Variants in TAF4 observed in about 807,000 individuals in gnomAD.
The protein encoded by TAF4 is transcription initiation factor TFIID subunit 4.
A neutral mutation model predicts 90.3 loss-of-function variants in TAF4; 9 were observed. The ratio of observed to expected loss-of-function variants is 0.10; its 90% CI spans 0.06 to 0.17. The LOEUF (loss-of-function observed/expected upper bound fraction) is 0.17. Ranked by LOEUF, TAF4 falls within the 10% of genes least tolerant of loss-of-function variation. TAF4 has a pLI of 1.00. For missense variants in TAF4, 1,351 were observed against 1,370.7 expected, an observed-to-expected ratio of 0.99 and a Z score of 0.23; for synonymous variants, 818 against 638.9, an observed-to-expected ratio of 1.28 and a Z score of -4.23.
At chr20:62,008,453 T>C (rs1420458193) in intron 5 of TAF4, among the ~76,000 whole-genome samples, 1 of 140,510 alleles carries the variant, frequency 7.1e-6, no homozygotes, top group Non-Finnish European at 1.5e-5. Context: ...CTTGGGACTG[T>C]GGGTTAAGGA....
At chr20:62,060,132 G>A (rs1011311414) in intron 1 of TAF4, among the ~76,000 whole-genome samples, 3 of 152,172 alleles carry the variant, frequency 2.0e-5, no homozygotes, top group South Asian at 4.1e-4. Flanking sequence ...ACAGCACACC[G>A]GGGAGCCCGG....
chr20:62,042,204 GAGA>G (rs1457693770), intron 1 of TAF4, among the ~76,000 whole-genome samples: 2 of 152,216 alleles, frequency 1.3e-5, no homozygotes, highest in Non-Finnish European at 2.9e-5. Context: ...AAGGAGAAAA[GAGA>G]AGGAGCGTCT....
chr20:62,042,633 G>A (rs2055970177), intron 1 of TAF4, among the ~76,000 whole-genome samples: 1 of 152,214 alleles, frequency 6.6e-6, no homozygotes, highest in Non-Finnish European at 1.5e-5. Flanking sequence ...TCCCCTTCCA[G>A]CAAATGAGCC....
intron 1 of TAF4, among the ~76,000 whole-genome samples, chr20:62,022,781 C>T (rs751482661): frequency 2.0e-5 from 3 of 152,194 alleles, no homozygotes; most frequent in African/African-American, 7.2e-5. Flanking sequence ...TGCTGCCCGG[C>T]GCAGGCGCTA....
At chr20:61,993,617 C>A (rs998309011) in intron 14 of TAF4, among the ~76,000 whole-genome samples, 1 of 152,082 alleles carries the variant, frequency 6.6e-6, no homozygotes, top group African/African-American at 2.4e-5. Flanking sequence ...CAGGTCCTGG[C>A]GTTTCTTCCT....
chr20:61,997,480 C>A (rs1336261940), intron 14 of TAF4, 70 bp downstream of exon 14: 3 of 1,416,876 alleles, frequency 2.1e-6, no homozygotes, highest in Non-Finnish European at 2.8e-6. Flanking sequence ...TGTCCGTCCC[C>A]TAGAAGAGGG....
At chr20:62,047,129 G>A (rs192813264) in intron 1 of TAF4, among the ~76,000 whole-genome samples, 38 of 152,208 alleles carry the variant, frequency 2.5e-4, no homozygotes, top group Admixed American at 3.9e-4. Flanking sequence ...TCTTTCTCCA[G>A]CCACAGTCAT....
chr20:61,992,362 C>T (rs1188279176), intron 14 of TAF4, among the ~76,000 whole-genome samples: 1 of 152,160 alleles, frequency 6.6e-6, no homozygotes, highest in Non-Finnish European at 1.5e-5. Flanking sequence ...TATTCTCAGG[C>T]TATGTCCAAA....
At chr20:62,001,753 C>T (rs1568927962) in intron 9 of TAF4, among the ~76,000 whole-genome samples, 1 of 152,216 alleles carries the variant, frequency 6.6e-6, no homozygotes, top group Non-Finnish European at 1.5e-5. Context: ...GCTCTGCTGA[C>T]ATCCACGTCC....
chr20:62,045,782 G>A (rs540813581), intron 1 of TAF4, among the ~76,000 whole-genome samples: 3 of 152,156 alleles, frequency 2.0e-5, no homozygotes, highest in Non-Finnish European at 2.9e-5. Flanking sequence ...ACTCTTTCTC[G>A]TCTAATCCAG....
chr20:62,053,327 G>T lies in TAF4; in HGVS notation c.1360+11124C>A, dbSNP rs569179919. Among the ~76,000 whole-genome samples, 71 of 12,546 alleles carry T rather than the reference G, an allele frequency of 5.7e-3. No homozygotes were observed. In the South Asian group the frequency reaches 0.08, roughly 14 times the overall value. The allele number at this position is 12,546 out of a possible 152,430, so 8.2% of individuals were successfully genotyped here. ...TGAAACCAGGAGCCCATGAGGCCGC[G>T]GGAGCCGGAGGACCAGGACCGCCCT... On this transcript the variant is annotated intron_variant, in intron 1 of 14. Transcript: ENST00000252996.
Position 61,998,300 on chromosome 20 carries a change from A to G in TAF4, c.2914-108T>C. The G allele has an allele frequency of 2.6e-6, 3 of 1,135,270 alleles. 1 individual carries two copies. The highest frequency in any genetic ancestry group is 3.5e-5 in the South Asian group (2 of 57,642). 70.3% of individuals were successfully genotyped at this position (1,135,270 alleles called of 1,614,324 possible). ...TACAATAACATCTAGGTAATGTTAA[A>G]GAATGCATAGCAAATTTGTGAAATG... On this transcript the variant is annotated intron_variant, in intron 12 of 14. Transcript: ENST00000252996.
intron 1 of TAF4, among the ~76,000 whole-genome samples, chr20:62,015,585 G>C (rs949038050): frequency 6.6e-6 from 1 of 152,112 alleles, no homozygotes; most frequent in African/African-American, 2.4e-5. Flanking sequence ...CGTGCAATGA[G>C]GCACCGCCAC....
intron 14 of TAF4, among the ~76,000 whole-genome samples, chr20:61,991,109 G>A (rs904490650): frequency 6.6e-6 from 1 of 152,074 alleles, no homozygotes; most frequent in Non-Finnish European, 1.5e-5. Flanking sequence ...GGACAAAAAA[G>A]ATAATTTTTT....
At chr20:62,060,713 A>G (rs1289341867) in intron 1 of TAF4, among the ~76,000 whole-genome samples, 1 of 152,226 alleles carries the variant, frequency 6.6e-6, no homozygotes, top group Non-Finnish European at 1.5e-5. Context: ...TAAGGCCTCT[A>G]GCCTAAAGTG....
At chr20:62,011,959 C>A (rs143103953) in intron 3 of TAF4, 25 of 152,514 alleles carry the variant, frequency 1.6e-4, no homozygotes, top group African/African-American at 5.8e-4. Flanking sequence ...TCACCAGGTG[C>A]GTCTGACCGG....
chr20:62,061,716 A>C (rs1449228634), intron 1 of TAF4, among the ~76,000 whole-genome samples: 1 of 152,150 alleles, frequency 6.6e-6, no homozygotes, highest in African/African-American at 2.4e-5. Context: ...CTTTTCCGTG[A>C]TCTTGGGACA....
At chr20:62,012,677 A>C in intron 3 of TAF4, 138 bp downstream of exon 3, 3 of 1,233,182 alleles carry the variant, frequency 2.4e-6, no homozygotes, top group Non-Finnish European at 3.2e-6. Context: ...CTTTCTTCAC[A>C]GAGAACCTTC....
At chr20:62,029,920 A>T (rs1342434643) in intron 1 of TAF4, among the ~76,000 whole-genome samples, 1 of 152,194 alleles carries the variant, frequency 6.6e-6, no homozygotes, top group African/African-American at 2.4e-5. Flanking sequence ...AAACAAAAAA[A>T]AGAATGGCAG....
Sources: gnomAD v4.1 joint callset for allele counts (sites outside exome capture counted in the v4.1 genomes callset) on GRCh38, gnomAD v4.1.1 for gene constraint, MANE v1.5 for transcripts, NCBI Gene and HGNC (gene_info 2026-07-23, HGNC 2026-07-21) for gene names.